The following C8orf34 variants were observed in gnomAD, a reference collection of about 807,000 sequenced individuals.
The protein encoded by C8orf34 is uncharacterized protein C8orf34.
A neutral mutation model predicts 68.3 loss-of-function variants in C8orf34; 65 were observed. That is an observed-to-expected ratio of 0.95 (90% confidence interval 0.78 to 1.17). The LOEUF (loss-of-function observed/expected upper bound fraction) is 1.17, where lower values mean the gene tolerates loss of function less well. Ranked by LOEUF, C8orf34 falls within the 50% of genes most tolerant of loss-of-function variation. The probability of loss-of-function intolerance (pLI) is 0.00; values close to 1 mark genes in which losing one functional copy is unlikely to be tolerated. For synonymous variants in C8orf34, 244 were observed against 241.2 expected, an observed-to-expected ratio of 1.01 and a Z score of -0.11; for missense variants, 664 against 655.4, an observed-to-expected ratio of 1.01 and a Z score of -0.14.
chr8:68,441,582 G>A (rs183997644), intron 2 of C8orf34, among the ~76,000 whole-genome samples: 68 of 151,702 alleles, frequency 4.5e-4, no homozygotes, highest in African/African-American at 7.0e-4. Flanking sequence ...CACTATAACC[G>A]TGAACTCCTG....
chr8:68,623,367 G>C (rs939694524), intron 7 of C8orf34, among the ~76,000 whole-genome samples: 2 of 152,048 alleles, frequency 1.3e-5, no homozygotes, highest in Admixed American at 6.6e-5. Context: ...TCTTACTTGT[G>C]GGGGGCTGGC....
chr8:68,560,387 G>C (rs1271492887), intron 7 of C8orf34, among the ~76,000 whole-genome samples: 2 of 152,100 alleles, frequency 1.3e-5, no homozygotes, highest in Non-Finnish European at 2.9e-5. Context: ...GTCTTGTGCT[G>C]TTTCGTAGTT....
intron 12 of C8orf34, among the ~76,000 whole-genome samples, chr8:68,796,644 A>G (rs1368632778): frequency 6.6e-6 from 1 of 152,166 alleles, no homozygotes; most frequent in Non-Finnish European, 1.5e-5. Flanking sequence ...TGAACAGATC[A>G]AATATAATAA....
intron 8 of C8orf34, among the ~76,000 whole-genome samples, chr8:68,650,758 C>T (rs1046162971): frequency 2.6e-5 from 4 of 152,010 alleles, no homozygotes; most frequent in Non-Finnish European, 4.4e-5. Flanking sequence ...GGATTACAGG[C>T]GTGAGCCACC....
chr8:68,630,320 GA>G (rs1384052692), intron 7 of C8orf34, among the ~76,000 whole-genome samples: 2 of 152,128 alleles, frequency 1.3e-5, no homozygotes, highest in Non-Finnish European at 2.9e-5. Context: ...GTAGTCAACA[GA>G]AAAGTTACAA....
chr8:68,434,454 G>A (rs2944715), intron 1 of C8orf34, among the ~76,000 whole-genome samples: 29,968 of 151,926 alleles, frequency 0.2, 3,830 homozygotes, highest in African/African-American at 0.37. Context: ...TTCCAGCTTC[G>A]TACATGTCAC....
At chr8:68,472,705 A>T (rs925482815) in intron 4 of C8orf34, among the ~76,000 whole-genome samples, 1 of 152,202 alleles carries the variant, frequency 6.6e-6, no homozygotes, top group Non-Finnish European at 1.5e-5. Context: ...GGCACATTTA[A>T]AAAAGGCAAA....
chr8:68,722,437 G>T (rs555848113), intron 10 of C8orf34, among the ~76,000 whole-genome samples: 1 of 152,020 alleles, frequency 6.6e-6, no homozygotes, highest in East Asian at 1.9e-4. Flanking sequence ...ACTCTGTGAC[G>T]AGATTACATG....
At chr8:68,391,755 A>G (rs1329775916) in intron 1 of C8orf34, among the ~76,000 whole-genome samples, 1 of 152,160 alleles carries the variant, frequency 6.6e-6, no homozygotes, top group Non-Finnish European at 1.5e-5. Flanking sequence ...TTATCAGAAC[A>G]TATCTAAAAT....
intron 7 of C8orf34, among the ~76,000 whole-genome samples, chr8:68,608,061 C>CTG (rs201852727): frequency 6.3e-5 from 5 of 79,150 alleles, no homozygotes; most frequent in Admixed American, 1.2e-4. Flanking sequence ...AATTTATTCA[C>CTG]TCTCATTCAT....
At chr8:68,702,137 C>A (rs192503109) in intron 8 of C8orf34, among the ~76,000 whole-genome samples, 1 of 152,168 alleles carries the variant, frequency 6.6e-6, no homozygotes, top group Non-Finnish European at 1.5e-5. Context: ...AATGTAATCT[C>A]CATGAGAATG....
chr8:68,544,243 T>C lies in C8orf34; in HGVS notation c.1105+11094T>C, dbSNP rs369973170. Among the ~76,000 whole-genome samples, 19 of 152,194 alleles carry C rather than the reference T, an allele frequency of 1.2e-4. No individual in the cohort carries two copies. In the South Asian group the frequency reaches 2.1e-3, roughly 17 times the overall value. ...ATGCTTATTGTGTCTGAGAAGTGAATAGAGAAACAGAAACCAAACTGAGCT... is the reference window on the plus strand; with the variant it reads ...ATGCTTATTGTGTCTGAGAAGTGAACAGAGAAACAGAAACCAAACTGAGCT... On this transcript the variant is annotated intron_variant, in intron 7 of 13. Coordinates refer to ENST00000518698, the MANE Select transcript of C8orf34 (RefSeq NM_052958.4).
At chr8:68,339,703 G>A (rs1344539717) in intron 1 of C8orf34, among the ~76,000 whole-genome samples, 1 of 151,956 alleles carries the variant, frequency 6.6e-6, no homozygotes, top group Admixed American at 6.6e-5. Flanking sequence ...CTCAAAGAGA[G>A]TGTAGGAGAT....
rs565657400 is a variant in C8orf34, at chr8:68,788,527, T to C, written c.1549+991T>C. Among the ~76,000 whole-genome samples, 16 of 152,234 alleles carry C rather than the reference T, an allele frequency of 1.1e-4. No homozygotes were observed. The South Asian group carries it at 3.3e-3, about 32-fold the overall frequency. ...GAGTAAAAAACACAGTGGTACTTTA[T>C]AGATTCTATTGAAGGAAAACAGCAA... On this transcript the variant is annotated intron_variant, in intron 12 of 13. Coordinates refer to ENST00000518698, the MANE Select transcript of C8orf34 (RefSeq NM_052958.4).
chr8:68,562,443 G>A (rs1412577728), intron 7 of C8orf34, among the ~76,000 whole-genome samples: 1 of 152,162 alleles, frequency 6.6e-6, no homozygotes, highest in Admixed American at 6.5e-5. Context: ...TCTGCAGTTT[G>A]ACTCTACAGC....
intron 7 of C8orf34, among the ~76,000 whole-genome samples, chr8:68,605,286 G>T (rs1472236489): frequency 2.6e-5 from 4 of 152,078 alleles, no homozygotes; most frequent in Admixed American, 6.6e-5. Context: ...CAGTCACTTT[G>T]GAAAACAGTT....
intron 7 of C8orf34, among the ~76,000 whole-genome samples, chr8:68,544,179 A>AT (rs1181488188): frequency 6.6e-6 from 1 of 152,152 alleles, no homozygotes; most frequent in Non-Finnish European, 1.5e-5. Flanking sequence ...CAATACTGGG[A>AT]TGCTCTTACA....
chr8:68,768,677 C>A (rs1823251893), intron 10 of C8orf34, among the ~76,000 whole-genome samples: 1 of 152,084 alleles, frequency 6.6e-6, no homozygotes, highest in Non-Finnish European at 1.5e-5. Flanking sequence ...ATACTGAAAA[C>A]AAATTATTTG....
At chr8:68,613,356 A>G (rs977515617) in intron 7 of C8orf34, among the ~76,000 whole-genome samples, 1 of 151,934 alleles carries the variant, frequency 6.6e-6, no homozygotes, top group Admixed American at 6.6e-5. Flanking sequence ...GGTTAGTTAC[A>G]TATGTATACA....
Sources: gnomAD v4.1 joint callset for allele counts (sites outside exome capture counted in the v4.1 genomes callset) on GRCh38, gnomAD v4.1.1 for gene constraint, MANE v1.5 for transcripts, NCBI Gene and HGNC (gene_info 2026-07-23, HGNC 2026-07-21) for gene names.